Variants in ETS1 observed in about 807,000 individuals in gnomAD.
ETS1 encodes the protein protein C-ets-1.
ETS1 carries 15 observed loss-of-function variants against 58.6 expected under a neutral mutation model. The ratio of observed to expected loss-of-function variants is 0.26; its 90% CI spans 0.17 to 0.39. ETS1 has a LOEUF of 0.39. Ranked by LOEUF, ETS1 falls within the 10% of genes least tolerant of loss-of-function variation. The pLI is 1.00. For missense variants in ETS1, 417 were observed against 610.5 expected, an observed-to-expected ratio of 0.68 and a Z score of 3.34; for synonymous variants, 214 against 218.2, an observed-to-expected ratio of 0.98 and a Z score of 0.17.
intron 3 of ETS1, among the ~76,000 whole-genome samples, chr11:128,506,566 G>A (rs905577764): frequency 1.3e-5 from 2 of 152,202 alleles, no homozygotes; most frequent in African/African-American, 4.8e-5. Flanking sequence ...GTGCACGTAA[G>A]ATGTCCTGGG....
At chr11:128,543,886 T>TTCCATTTAA (rs1175831443) in intron 3 of ETS1, among the ~76,000 whole-genome samples, 1 of 152,240 alleles carries the variant, frequency 6.6e-6, no homozygotes, top group African/African-American at 2.4e-5. Context: ...ATCCCTGTTT[T>TTCCATTTAA]TCCATTTAAT....
chr11:128,521,798 C>T, intron 3 of ETS1: 1 of 758,664 alleles, frequency 1.3e-6, no homozygotes, highest in Non-Finnish European at 2.1e-6. Flanking sequence ...ACAGCATCCC[C>T]CGCTCCTGAA....
chr11:128,474,025 C>A (rs1862256458), intron 8 of ETS1, among the ~76,000 whole-genome samples: 1 of 152,228 alleles, frequency 6.6e-6, no homozygotes. Context: ...AATTCCAGAA[C>A]AGTCACCACC....
In ETS1 at chr11:128,486,050, G is replaced by C. The variant is rs778196658; in HGVS notation, c.613+19C>G. 1.3e-6 allele frequency: 2 copies of C among 1,517,944 alleles called. No individual in the cohort carries two copies. Among genetic ancestry groups the C allele is most frequent in the East Asian group, 2.3e-5 (1 of 44,420 alleles). The allele number at this position is 1,517,944 out of a possible 1,614,324, so 94.0% of individuals were successfully genotyped here. A position where few individuals can be genotyped will look rare whatever the true frequency, so the allele number is the denominator to read the frequency against. Reference sequence around the variant, plus strand: ...AGTTTGCTATTATCATGAGAGAAGAGGGGTAGAAATGAACTTACTAATGAA... The same window carrying C: ...AGTTTGCTATTATCATGAGAGAAGACGGGTAGAAATGAACTTACTAATGAA... On this transcript the variant is annotated intron_variant, in intron 6 of 9. Coordinates refer to ENST00000392668, the MANE Select transcript of ETS1 (RefSeq NM_001143820.2).
chr11:128,557,663 C>A (rs1047618420), intron 2 of ETS1, among the ~76,000 whole-genome samples: 3 of 152,012 alleles, frequency 2.0e-5, no homozygotes, highest in African/African-American at 7.3e-5. Flanking sequence ...CCTCAACTTT[C>A]TTTTTTTCTT....
At chr11:128,584,989 AG>A (rs1167063077) in intron 1 of ETS1, among the ~76,000 whole-genome samples, 659 of 51,154 alleles carry the variant, frequency 0.013, 145 homozygotes, top group Non-Finnish European at 0.016. Context: ...AAAGAAAGAA[AG>A]GAAGGAAGGA....
At chr11:128,502,957 T>C (rs1863129769) in intron 3 of ETS1, among the ~76,000 whole-genome samples, 1 of 152,090 alleles carries the variant, frequency 6.6e-6, no homozygotes. Context: ...AGTAAGCAAC[T>C]GCACCCTCTG....
At chr11:128,513,951 T>G (rs932028065) in intron 3 of ETS1, among the ~76,000 whole-genome samples, 43 of 152,138 alleles carry the variant, frequency 2.8e-4, no homozygotes, top group Non-Finnish European at 1.3e-4. Context: ...ATGATACTAA[T>G]GCATCACACA....
intron 3 of ETS1, among the ~76,000 whole-genome samples, chr11:128,551,151 T>C (rs2135552699): frequency 6.6e-6 from 1 of 152,302 alleles, no homozygotes; most frequent in African/African-American, 2.4e-5. Context: ...CAGCAGATGA[T>C]AGTCTGAAAC....
intron 3 of ETS1, chr11:128,536,504 T>C (rs1863974909): frequency 6.6e-6 from 1 of 152,214 alleles, no homozygotes; most frequent in Non-Finnish European, 1.5e-5. Flanking sequence ...AAGAATTCAA[T>C]ACATTGGGTA....
rs1863544182 is a variant in ETS1 at position 128,517,028 on chromosome 11, C to A, written c.215-26452G>T. ...GGCCATATGGAAGACGTTGCAAAAA[C>A]AAGAATCCTGGTTCTCTGCCTTTCA... On this transcript the variant is annotated intron_variant, in intron 3 of 9. Coordinates refer to ENST00000392668, the MANE Select transcript of ETS1 (RefSeq NM_001143820.2). Among the ~76,000 whole-genome samples, 3 of 152,206 alleles carry A rather than the reference C, an allele frequency of 2.0e-5. No individual in the cohort carries two copies. In the South Asian group the frequency reaches 6.2e-4, roughly 31 times the overall value.
At chr11:128,569,064 G>A (rs1864566358) in intron 2 of ETS1, among the ~76,000 whole-genome samples, 2 of 152,164 alleles carry the variant, frequency 1.3e-5, no homozygotes. Flanking sequence ...GTTTCTCAAC[G>A]TCAGCACTAT....
intron 3 of ETS1, among the ~76,000 whole-genome samples, chr11:128,496,125 G>A (rs145867210): frequency 6.6e-6 from 1 of 151,932 alleles, no homozygotes; most frequent in Non-Finnish European, 1.5e-5. Context: ...TCAATAAGAG[G>A]CAAATAAACT....
rs34614651 is a variant in ETS1, at chr11:128,487,508, AG to A, written c.536-1363del. On this transcript the variant is annotated intron_variant, in intron 5 of 9. Transcript: ENST00000392668. Reference sequence around the variant, plus strand: ...GTAATCCCAGTGTTTTGGGAGGCCAAGGTGGGCAGATCACGAGGTCAAGGGA... The same window carrying A: ...GTAATCCCAGTGTTTTGGGAGGCCAAGTGGGCAGATCACGAGGTCAAGGGA... 7.2e-3 allele frequency among the ~76,000 whole-genome samples: 1,094 copies of A among 152,272 alleles called. 5 individuals are homozygous for A. The highest frequency in any genetic ancestry group is 0.011 in the Non-Finnish European group (735 of 68,004).
At chr11:128,529,788 G>A (rs1190038516) in intron 3 of ETS1, among the ~76,000 whole-genome samples, 1 of 152,136 alleles carries the variant, frequency 6.6e-6, no homozygotes, top group East Asian at 1.9e-4. Context: ...AAGAATCTAT[G>A]CCTATCTTAC....
At chr11:128,473,890 G>A (rs755823426) in intron 8 of ETS1, among the ~76,000 whole-genome samples, 5 of 152,206 alleles carry the variant, frequency 3.3e-5, no homozygotes, top group South Asian at 4.1e-4. Flanking sequence ...GGGAGTTTCC[G>A]AGGCCTGTTG....
At chr11:128,523,044 G>T (rs1037850754) in intron 3 of ETS1, among the ~76,000 whole-genome samples, 2 of 152,214 alleles carry the variant, frequency 1.3e-5, no homozygotes, top group African/African-American at 2.4e-5. Flanking sequence ...CAGTGGTTGG[G>T]TTGAAGGGGA....
Position 128,585,152 on chromosome 11 carries a change from G to GA in ETS1, c.-15+2335dup, listed in dbSNP as rs1314047418. Among the ~76,000 whole-genome samples the GA allele has an allele frequency of 2.0e-3, 48 of 23,476 alleles. 9 individuals carry two copies. The highest frequency in any genetic ancestry group is 9.9e-3 in the African/African-American group (39 of 3,926). 15.4% of individuals were successfully genotyped at this position (23,476 alleles called of 152,430 possible). A position where few individuals can be genotyped will look rare whatever the true frequency, so the allele number is the denominator to read the frequency against. Reference sequence around the variant, plus strand: ...GAAAGAAAGAAAAGAAAGAAAGAAAGAAAGAAAGAAAGAAAGAGAAAGAAA... The same window carrying GA: ...GAAAGAAAGAAAAGAAAGAAAGAAAGAAAAGAAAGAAAGAAAGAGAAAGAAA... On this transcript the variant is annotated intron_variant, in intron 1 of 9. Transcript: ENST00000392668.
intron 3 of ETS1, among the ~76,000 whole-genome samples, chr11:128,541,143 C>A (rs1864052149): frequency 6.6e-6 from 1 of 152,182 alleles, no homozygotes; most frequent in Non-Finnish European, 1.5e-5. Context: ...CATTCCCAGT[C>A]CCCTGGTGCT....
Sources: gnomAD v4.1 joint callset for allele counts (sites outside exome capture counted in the v4.1 genomes callset) on GRCh38, gnomAD v4.1.1 for gene constraint, MANE v1.5 for transcripts, NCBI Gene and HGNC (gene_info 2026-07-23, HGNC 2026-07-21) for gene names.